CPT1A: variants seen among roughly 807,000 people sequenced by gnomAD.
CPT1A encodes carnitine O-palmitoyltransferase 1, liver isoform.
A neutral mutation model predicts 100.8 loss-of-function variants in CPT1A; 64 were observed. That is an observed-to-expected ratio of 0.63 (90% CI 0.52 to 0.78). CPT1A has a LOEUF of 0.78. Among genes scored for constraint, CPT1A ranks in the 30% least tolerant of loss-of-function variants. The probability of loss-of-function intolerance (pLI) is 0.00; values close to 1 mark genes in which losing one functional copy is unlikely to be tolerated. For missense variants in CPT1A, 802 were observed against 1,034.1 expected, an observed-to-expected ratio of 0.78 and a Z score of 3.08; for synonymous variants, 363 against 396.0, an observed-to-expected ratio of 0.92 and a Z score of 0.99.
At position 68,757,267 on chromosome 11, in the gene CPT1A, C is replaced by A; in HGVS notation, c.*377G>T. 1 of 1,125,150 alleles carries A rather than the reference C, an allele frequency of 8.9e-7. No homozygotes were observed. The highest frequency in any genetic ancestry group is 1.1e-6 in the Non-Finnish European group (1 of 910,262). 69.7% of individuals were successfully genotyped at this position (1,125,150 alleles called of 1,614,324 possible). A position where few individuals can be genotyped will look rare whatever the true frequency, so the allele number is the denominator to read the frequency against. On this transcript the variant is annotated 3_prime_UTR_variant, in exon 19 of 19. Transcript: ENST00000265641. ...CCCTGCTTGGATGATGCTAAATGCC[C>A]TTAAGCACTAGGCCTTCGGTTGCCA...
At position 68,826,499 on chromosome 11, in the gene CPT1A, C is replaced by T. The variant is rs529319690; in HGVS notation, c.-13-11012G>A. Among the ~76,000 whole-genome samples the T allele has an allele frequency of 1.6e-4, 24 of 150,728 alleles. No individual in the cohort carries two copies. In the South Asian group the frequency reaches 4.6e-3, roughly 29 times the overall value. On this transcript the variant is annotated intron_variant, in intron 1 of 18. Coordinates refer to ENST00000265641, the MANE Select transcript of CPT1A (RefSeq NM_001876.4). ...CCTGTAATCCCAGCACTTTGGGAGG[C>T]CGAGGGGGGCAGATCATGAGGTCAG... is the stretch of plus-strand genomic sequence containing the variant.
intron 14 of CPT1A, among the ~76,000 whole-genome samples, chr11:68,767,754 T>C (rs1854850035): frequency 6.6e-6 from 1 of 152,194 alleles, no homozygotes; most frequent in Non-Finnish European, 1.5e-5. Context: ...GCCTTTTTCT[T>C]TTGTTCCCAA....
At chr11:68,762,538 G>A in intron 15 of CPT1A, 89 bp downstream of exon 15, 1 of 1,527,044 alleles carries the variant, frequency 6.5e-7, no homozygotes, top group South Asian at 1.1e-5. Context: ...CAGGAATGAT[G>A]AGATCAGAGA....
intron 1 of CPT1A, among the ~76,000 whole-genome samples, chr11:68,824,241 T>G: frequency 8.7e-6 from 1 of 114,654 alleles, no homozygotes; most frequent in Admixed American, 1.1e-4. Context: ...AGAGCAAAGC[T>G]CCATCTCAAA....
upstream of CPT1A, among the ~76,000 whole-genome samples, chr11:68,843,595 C>A (rs533847914): frequency 6.6e-6 from 1 of 152,324 alleles, no homozygotes; most frequent in South Asian, 2.1e-4. The surrounding 1 kb of genome is among the most constrained non-coding windows in gnomAD (Gnocchi z 4.0). Context: ...TTAATCTTTG[C>A]CAATCCTAAA....
rs1854621480 is a variant in CPT1A at position 68,761,646 on chromosome 11, C to T, written c.1917G>A (p.Lys639=). The T allele has an allele frequency of 2.5e-6, 4 of 1,614,064 alleles. No homozygotes were observed. The African/African-American group carries it at 5.3e-5, about 22-fold the overall frequency. ...TGGCGAGGCGATACATATGCTGATGCTTCTCAGACGCCAACTTGAACAACT... is the reference window on the plus strand; with the variant it reads ...TGGCGAGGCGATACATATGCTGATGTTTCTCAGACGCCAACTTGAACAACT... ...RLKLFKLASE[K]HQHMYRLAMT... The change falls in exon 16 of 19, where the codon AAG becomes AAA. Residue 639 remains lysine, a synonymous_variant. Transcript: ENST00000265641.
chr11:68,800,840 C>T (rs749454169), intron 5 of CPT1A, among the ~76,000 whole-genome samples: 3 of 151,908 alleles, frequency 2.0e-5, no homozygotes, highest in Non-Finnish European at 4.4e-5. Flanking sequence ...TGTAGCTGGG[C>T]ACGGTGGCTT....
upstream of CPT1A, chr11:68,842,049 T>A: frequency 1.2e-6 from 1 of 818,768 alleles, no homozygotes; most frequent in Non-Finnish European, 1.5e-6. Context: ...GAGCGGGTGC[T>A]CGCGTCCTCG....
Position 68,812,503 on chromosome 11 carries a change from G to A in CPT1A, c.215C>T (p.Thr72Met), listed in dbSNP as rs774885548. 14 of 1,614,102 alleles carry A rather than the reference G, an allele frequency of 8.7e-6. No individual in the cohort carries two copies. Among genetic ancestry groups the A allele is most frequent in the Middle Eastern group, 1.6e-4 (1 of 6,062 alleles). Residue 72 changes from threonine (T) to methionine (M), a missense_variant, in exon 3 of 19, where the codon ACG (threonine) becomes ATG (methionine). Physicochemically the swap from Thr to Met is moderately conservative, Grantham distance 81. Coordinates refer to ENST00000265641, the MANE Select transcript of CPT1A (RefSeq NM_001876.4). Reference sequence around the variant, plus strand: ...CGAGGGGTCGATCTTGGCGTACATCGTTGTCATCACGCCCACCACCACGAT... The same window carrying A: ...CGAGGGGTCGATCTTGGCGTACATCATTGTCATCACGCCCACCACCACGAT... ...WLIVVVGVMT[T>M]MYAKIDPSLG...
chr11:68,771,489 G>A (rs1369662428), intron 14 of CPT1A, among the ~76,000 whole-genome samples: 1 of 152,156 alleles, frequency 6.6e-6, no homozygotes, highest in Non-Finnish European at 1.5e-5. Context: ...GAGATGCGAT[G>A]CCTCTATTCC....
chr11:68,775,392 T>TC lies in CPT1A; in HGVS notation c.1498dup (p.Glu500GlyfsTer57), dbSNP rs1337975546. On this transcript the variant is annotated frameshift_variant, in exon 13 of 19. Transcript: ENST00000265641. LOFTEE classifies it high-confidence loss of function. ...GATGTCGCCTTTGCAGTGCCCATCC[T>TC]CCGCATAGCCCAGCTGGAGGCTGTC... The TC allele has an allele frequency of 6.2e-7, 1 of 1,614,214 alleles. No homozygotes were observed. The highest frequency in any genetic ancestry group is 8.5e-7 in the Non-Finnish European group (1 of 1,180,028).
At position 68,765,392 on chromosome 11, in the gene CPT1A, C is replaced by T. The variant is rs12225347; in HGVS notation, c.1741-2631G>A. Among the ~76,000 whole-genome samples, 313 of 152,262 alleles carry T rather than the reference C, an allele frequency of 2.1e-3. 1 individual carries two copies. Among genetic ancestry groups the T allele is most frequent in the East Asian group, 0.013 (68 of 5,186 alleles). On this transcript the variant is annotated intron_variant, in intron 14 of 18. Transcript: ENST00000265641. ...TGTGCAAGCCCCACTGGAGCTCAGA[C>T]GCCATCAAAGAGCCAAACCAGGTTA...
At chr11:68,768,224 C>T (rs904969706) in intron 14 of CPT1A, among the ~76,000 whole-genome samples, 138 of 151,082 alleles carry the variant, frequency 9.1e-4, no homozygotes, top group African/African-American at 3.2e-3. Context: ...TACAGGCGCC[C>T]GCCACCGCGC....
intron 14 of CPT1A, among the ~76,000 whole-genome samples, chr11:68,772,831 G>A (rs1447110977): frequency 1.3e-5 from 2 of 152,084 alleles, no homozygotes; most frequent in African/African-American, 2.4e-5. Flanking sequence ...GAGAGCGACA[G>A]ATGAAACGTG....
chr11:68,836,736 C>T (rs184401869), intron 1 of CPT1A, among the ~76,000 whole-genome samples: 5 of 150,460 alleles, frequency 3.3e-5, no homozygotes, highest in Admixed American at 3.3e-4. Flanking sequence ...CATACCGCTA[C>T]ACTCCAGCCT....
chr11:68,766,672 G>C (rs149589675), intron 14 of CPT1A, among the ~76,000 whole-genome samples: 9 of 151,774 alleles, frequency 5.9e-5, no homozygotes, highest in African/African-American at 2.2e-4. Context: ...TTTTTTGGTA[G>C]AGGCAGGGTT....
At position 68,774,265 on chromosome 11, in the gene CPT1A, T is replaced by C. The variant is rs185016295; in HGVS notation, c.1576-836A>G. Among the ~76,000 whole-genome samples, 14 of 152,218 alleles carry C rather than the reference T, an allele frequency of 9.2e-5. No individual in the cohort carries two copies. In the East Asian group the frequency reaches 2.5e-3, roughly 28 times the overall value. ...CAAATTCGTTCTGAGAAGGCAAGAA[T>C]TGAGGTTGCTGCAGACCCGTACAGA... On this transcript the variant is annotated intron_variant, in intron 13 of 18. Coordinates refer to ENST00000265641, the MANE Select transcript of CPT1A (RefSeq NM_001876.4).
At chr11:68,795,818 G>C (rs1351428849) in intron 7 of CPT1A, among the ~76,000 whole-genome samples, 3 of 151,824 alleles carry the variant, frequency 2.0e-5, no homozygotes, top group Admixed American at 2.0e-4. Flanking sequence ...GCTGAGGCAG[G>C]AGAATTGCTG....
intron 1 of CPT1A, among the ~76,000 whole-genome samples, chr11:68,836,509 A>C (rs987023993): frequency 6.6e-6 from 1 of 152,114 alleles, no homozygotes; most frequent in Non-Finnish European, 1.5e-5. Flanking sequence ...GCAGTGGCTC[A>C]TGCCTGTAAT....
Sources: allele counts gnomAD v4.1 joint callset (sites outside exome capture counted in the v4.1 genomes callset), GRCh38; gene constraint gnomAD v4.1.1; non-coding constraint Gnocchi (gnomAD v3.1); transcripts MANE v1.5; gene names NCBI Gene and HGNC (gene_info 2026-07-23, HGNC 2026-07-21).